MOSMO: variants seen among roughly 807,000 people sequenced by gnomAD.
MOSMO encodes modulator of smoothened protein.
Under a neutral mutation model 18.4 loss-of-function variants are expected in MOSMO, and 5 were observed. The observed-to-expected ratio is 0.27, with a 90% CI of 0.14 to 0.57. The LOEUF (loss-of-function observed/expected upper bound fraction) is 0.57. Ranked by LOEUF, MOSMO falls within the 20% of genes least tolerant of loss-of-function variation. The pLI, the probability that MOSMO is intolerant of heterozygous loss-of-function variation, is 0.92. For missense variants in MOSMO, 138 were observed against 211.8 expected (o/e 0.65, Z 2.16); for synonymous variants, 82 against 82.3 (o/e 1.00, Z 0.02).
At chr16:22,051,138 G>A (rs1160566292) in intron 1 of MOSMO, among the ~76,000 whole-genome samples, 1 of 151,936 alleles carries the variant, frequency 6.6e-6, no homozygotes, top group Non-Finnish European at 1.5e-5. Flanking sequence ...CTGCAATCCC[G>A]GCACTTTGGG....
In MOSMO at chr16:22,029,514, C is replaced by G. The variant is rs141158363; in HGVS notation, c.106+21107C>G. Reference sequence around the variant, plus strand: ...TGTCACCAAAATGTGGCTTTGCAGTCACTTGACCTGTAACTTTACACACTT... The same window carrying G: ...TGTCACCAAAATGTGGCTTTGCAGTGACTTGACCTGTAACTTTACACACTT... On this transcript the variant is annotated intron_variant, in intron 1 of 2. Coordinates refer to ENST00000542527, the MANE Select transcript of MOSMO (RefSeq NM_001164579.2). Among the ~76,000 whole-genome samples, 52 of 152,310 alleles carry G rather than the reference C, an allele frequency of 3.4e-4. No individual in the cohort carries two copies. The East Asian group carries it at 9.8e-3, about 29-fold the overall frequency.
In MOSMO at chr16:22,074,108, A is replaced by ACACGTG. The variant is rs1309788170; in HGVS notation, c.107-1369_107-1364dup. ...CTCCTTCCAGCAGCCCCACCTAGCC[A>ACACGTG]CACGTGCACGTGCACACACAAGTCC... On this transcript the variant is annotated intron_variant, in intron 1 of 2. Transcript: ENST00000542527. 9.2e-5 allele frequency among the ~76,000 whole-genome samples: 14 copies of ACACGTG among 152,298 alleles called. No homozygotes were observed. The East Asian group carries it at 2.7e-3, about 29-fold the overall frequency.
At chr16:22,090,997 G>A (rs910344901), downstream of MOSMO, among the ~76,000 whole-genome samples, 1 of 152,038 alleles carries the variant, frequency 6.6e-6, no homozygotes, top group African/African-American at 2.4e-5. Flanking sequence ...AAAGAAAGGT[G>A]TGAGGGTGGT....
chr16:22,044,145 G>A (rs906489982), intron 1 of MOSMO, among the ~76,000 whole-genome samples: 2 of 152,072 alleles, frequency 1.3e-5, no homozygotes, highest in Non-Finnish European at 2.9e-5. Flanking sequence ...ACAACCCGTG[G>A]GAATTATAGG....
intron 1 of MOSMO, among the ~76,000 whole-genome samples, chr16:22,034,392 A>G (rs1900059444): frequency 6.6e-6 from 1 of 152,238 alleles, no homozygotes; most frequent in Non-Finnish European, 1.5e-5. Context: ...CTAGCAAGAC[A>G]AACTTTCTGG....
chr16:22,045,198 A>G (rs1273884263), intron 1 of MOSMO, among the ~76,000 whole-genome samples: 2 of 151,644 alleles, frequency 1.3e-5, no homozygotes, highest in South Asian at 2.1e-4. Flanking sequence ...AAAAAAAAAA[A>G]GGCAATAATG....
chr16:22,080,698 A>T lies in MOSMO; in HGVS notation c.322A>T (p.Ile108Phe). The T allele has an allele frequency of 6.7e-7, 1 of 1,487,144 alleles. No individual in the cohort carries two copies. Among genetic ancestry groups the T allele is most frequent in the Admixed American group, 2.4e-5 (1 of 41,068 alleles). The allele number at this position is 1,487,144 out of a possible 1,614,324, so 92.1% of individuals were successfully genotyped here. The change falls in exon 3 of 3, where the codon ATC (isoleucine) becomes TTC (phenylalanine). Residue 108 changes from isoleucine to phenylalanine, a missense_variant and splice_region_variant. Coordinates refer to ENST00000542527, the MANE Select transcript of MOSMO (RefSeq NM_001164579.2). ...TTGTGTTTTGGTTTGTTTTACAGTGATCCTTTTCTGTATGGCTGCCCTAAT... is the reference window on the plus strand; with the variant it reads ...TTGTGTTTTGGTTTGTTTTACAGTGTTCCTTTTCTGTATGGCTGCCCTAAT... Reference protein sequence around the residue: ...YARWIAFTGMILFCMAALIFP... With the variant: ...YARWIAFTGMFLFCMAALIFP...
intron 1 of MOSMO, among the ~76,000 whole-genome samples, chr16:22,056,365 C>CTTTTTTT (rs35642716): frequency 4.0e-3 from 219 of 54,410 alleles, no homozygotes; most frequent in Middle Eastern, 0.016. Flanking sequence ...TTCTTTCTTT[C>CTTTTTTT]TTTTTTTTTT....
chr16:22,073,602 T>G (rs1022987894), intron 1 of MOSMO, among the ~76,000 whole-genome samples: 2 of 151,940 alleles, frequency 1.3e-5, no homozygotes, highest in Non-Finnish European at 2.9e-5. Flanking sequence ...AGAACAGTCA[T>G]GCAATTCCCT....
At chr16:22,018,306 G>A (rs1899682558) in intron 1 of MOSMO, among the ~76,000 whole-genome samples, 1 of 152,138 alleles carries the variant, frequency 6.6e-6, no homozygotes, top group Admixed American at 6.6e-5. Flanking sequence ...TATATTCACA[G>A]TAAGTTGTTT....
chr16:22,058,156 G>C (rs1458877034), intron 1 of MOSMO, among the ~76,000 whole-genome samples: 1 of 152,138 alleles, frequency 6.6e-6, no homozygotes, highest in Admixed American at 6.5e-5. Flanking sequence ...GGCCGGGTGT[G>C]GTGGCTCACA....
At chr16:22,009,993 AAAAAAG>A (rs1309756919) in intron 1 of MOSMO, among the ~76,000 whole-genome samples, 1 of 151,870 alleles carries the variant, frequency 6.6e-6, no homozygotes, top group Non-Finnish European at 1.5e-5. Context: ...TCTGTCTCAA[AAAAAAG>A]AAAAAGAAAA....
At chr16:22,009,804 C>CAA (rs56313303) in intron 1 of MOSMO, among the ~76,000 whole-genome samples, 365 of 35,968 alleles carry the variant, frequency 0.01, 11 homozygotes, top group East Asian at 0.031. Flanking sequence ...ACTAAAAATA[C>CAA]AAAAAAAAAA....
intron 1 of MOSMO, among the ~76,000 whole-genome samples, chr16:22,032,491 C>G (rs974331019): frequency 1.4e-4 from 22 of 152,082 alleles, no homozygotes; most frequent in African/African-American, 5.3e-4. Context: ...TGCACCTGGC[C>G]CTCTACCCAT....
At position 22,080,784 on chromosome 16, in the gene MOSMO, C is replaced by G; in HGVS notation, c.408C>G (p.Asn136Lys). 1.3e-6 allele frequency: 2 copies of G among 1,498,966 alleles called. No individual in the cohort carries two copies. Among genetic ancestry groups the G allele is most frequent in the Non-Finnish European group, 1.8e-6 (2 of 1,130,378 alleles). The allele number at this position is 1,498,966 out of a possible 1,614,324, so 92.9% of individuals were successfully genotyped here. Residue 136 changes from asparagine to lysine, a missense_variant, in exon 3 of 3, where the codon AAC becomes AAG. By Grantham distance (94) the Asn-to-Lys change is moderately conservative. Transcript: ENST00000542527. ...VGGQPYKLPN[N>K]TVVGSSYVLF... Reference sequence around the variant, plus strand: ...GTCAACCTTATAAATTACCCAACAACACAGTAGTTGGGTCATCATATGTAC... The same window carrying G: ...GTCAACCTTATAAATTACCCAACAAGACAGTAGTTGGGTCATCATATGTAC...
rs769968230 is a variant in MOSMO, at chr16:22,080,915, TA to T, written c.*36del. 6 of 1,052,362 alleles carry T rather than the reference TA, an allele frequency of 5.7e-6. No individual in the cohort carries two copies. The South Asian group carries it at 1.2e-4, about 22-fold the overall frequency. 65.2% of individuals were successfully genotyped at this position (1,052,362 alleles called of 1,614,324 possible). A position where few individuals can be genotyped will look rare whatever the true frequency, so the allele number is the denominator to read the frequency against. On this transcript the variant is annotated 3_prime_UTR_variant, in exon 3 of 3. Transcript: ENST00000542527. Reference sequence around the variant, plus strand: ...AAATTGCTTGACTCTTATTATTTTTTATTTTATTTTATTTTTTTATTTTTGG... The same window carrying T: ...AAATTGCTTGACTCTTATTATTTTTTTTTTATTTTATTTTTTTATTTTTGG...
chr16:22,086,056 A>G (rs1439071351), downstream of MOSMO: 1 of 152,174 alleles, frequency 6.6e-6, no homozygotes, highest in Non-Finnish European at 1.5e-5. Context: ...TCACTCAACT[A>G]GATATCAGCA....
chr16:22,070,874 G>C (rs1900835632), intron 1 of MOSMO, among the ~76,000 whole-genome samples: 1 of 152,110 alleles, frequency 6.6e-6, no homozygotes, highest in Non-Finnish European at 1.5e-5. Context: ...ACCCAGGGAG[G>C]TGCACAGGGC....
chr16:22,009,836 A>AAAAAAAAAAG (rs1899485456), intron 1 of MOSMO, among the ~76,000 whole-genome samples: 1 of 121,234 alleles, frequency 8.2e-6, no homozygotes, highest in South Asian at 2.9e-4. Context: ...AAAAAAAAAA[A>AAAAAAAAAAG]AGAGAATTAG....
Sources: allele counts gnomAD v4.1 joint callset (sites outside exome capture counted in the v4.1 genomes callset), GRCh38; gene constraint gnomAD v4.1.1; transcripts MANE v1.5; gene names NCBI Gene and HGNC (gene_info 2026-07-23, HGNC 2026-07-21).